The following TARS1 variants were observed in gnomAD, a reference collection of about 807,000 sequenced individuals.
TARS1 encodes threonine--tRNA ligase 1, cytoplasmic.
TARS1 carries 57 observed loss-of-function variants against 97.7 expected under a neutral mutation model. That is an observed-to-expected ratio of 0.58 (90% confidence interval 0.47 to 0.73). The LOEUF is 0.73. Ranked by LOEUF, TARS1 falls within the 30% of genes least tolerant of loss-of-function variation. The probability of loss-of-function intolerance (pLI) is 0.00; values close to 1 mark genes in which losing one functional copy is unlikely to be tolerated. For synonymous variants in TARS1, 312 were observed against 293.7 expected (o/e 1.06, Z -0.64); for missense variants, 806 against 888.3 (o/e 0.91, Z 1.18).
At position 33,457,261 on chromosome 5, in the gene TARS1, C is replaced by A. The variant is rs1265222175; in HGVS notation, c.842C>A (p.Ser281Tyr). 1 of 1,610,550 alleles carries A rather than the reference C, an allele frequency of 6.2e-7. No individual in the cohort carries two copies. Among genetic ancestry groups the A allele is most frequent in the East Asian group, 2.2e-5 (1 of 44,812 alleles). ...ATGGTTAATCCTTGTTTTCAGAATT[C>A]CTCCACGTACTGGGAAGGCAAAGCA... The part of the protein sequence containing the change: ...KIKALKIHKN[S>Y]STYWEGKADM... The change falls in exon 9 of 19, where the codon TCC (serine) becomes TAC (tyrosine). Residue 281 changes from serine to tyrosine, a missense_variant. Around this residue, in one of 3 missense-constraint regions of TARS1, gnomAD observed 356 missense variants for 357.8 expected, o/e 0.99. Coordinates refer to ENST00000265112, the MANE Select transcript of TARS1 (RefSeq NM_152295.5).
At chr5:33,467,448 AGAAGCTATGG>A in intron 18 of TARS1, 102 bp from the exon 19 acceptor site, 1 of 1,206,296 alleles carries the variant, frequency 8.3e-7, no homozygotes. Flanking sequence ...TTAATGTATC[AGAAGCTATGG>A]GGTAGGTTTT....
At chr5:33,458,409 G>A (rs1742131276) in intron 9 of TARS1, among the ~76,000 whole-genome samples, 157 bp from the exon 10 acceptor site, 1 of 152,176 alleles carries the variant, frequency 6.6e-6, no homozygotes, top group Non-Finnish European at 1.5e-5. Flanking sequence ...TATAACATCA[G>A]AAACACTGAC....
chr5:33,453,350 C>T lies in TARS1; in HGVS notation c.391C>T (p.Arg131Cys), dbSNP rs1466918608. The T allele has an allele frequency of 5.6e-6, 9 of 1,612,186 alleles. No homozygotes were observed. Among genetic ancestry groups the T allele is most frequent in the African/African-American group, 4.0e-5 (3 of 74,378 alleles). Reference sequence around the variant, plus strand: ...AAATAATGTTGTGTGGGACCTGGACCGCCCTCTGGAAGAAGATTGTACCTT... The same window carrying T: ...AAATAATGTTGTGTGGGACCTGGACTGCCCTCTGGAAGAAGATTGTACCTT... Reference protein sequence around the residue: ...KVNNVVWDLDRPLEEDCTLEL... With the variant: ...KVNNVVWDLDCPLEEDCTLEL... Residue 131 changes from arginine (R) to cysteine (C), a missense_variant, in exon 4 of 19, where the codon CGC becomes TGC. Arg to Cys is a radical substitution (Grantham distance 180). Transcript: ENST00000265112.
intron 2 of TARS1, 151 bp from the exon 3 acceptor site, chr5:33,448,390 G>A (rs187764694): frequency 9.1e-6 from 5 of 548,548 alleles, no homozygotes; most frequent in Admixed American, 4.0e-5. Flanking sequence ...CCAAATTGAG[G>A]TAATGCCGGG....
chr5:33,457,230 T>C (rs754564969), intron 8 of TARS1, 27 bp from the exon 9 acceptor site: 4 of 1,603,488 alleles, frequency 2.5e-6, no homozygotes, highest in African/African-American at 2.7e-5. Flanking sequence ...ATTTGAATGT[T>C]GTTTCATGGT....
chr5:33,444,796 G>A (rs992037131), intron 1 of TARS1, among the ~76,000 whole-genome samples: 2 of 151,974 alleles, frequency 1.3e-5, no homozygotes, highest in Admixed American at 6.6e-5. Flanking sequence ...TAATCGTAGC[G>A]TTACTACTGT....
chr5:33,451,373 CTTTT>C (rs202149660), intron 3 of TARS1, among the ~76,000 whole-genome samples: 1 of 138,928 alleles, frequency 7.2e-6, no homozygotes, highest in African/African-American at 2.7e-5. Context: ...TGTTATAAAT[CTTTT>C]TTTTTTTTTT....
intron 16 of TARS1, among the ~76,000 whole-genome samples, chr5:33,462,710 C>G (rs6884566): frequency 0.013 from 1,946 of 152,242 alleles, 39 homozygotes; most frequent in African/African-American, 0.045. Context: ...GTTTTTGTTT[C>G]CAAGATACAT....
rs1741531817 is a variant in TARS1 at position 33,448,436 on chromosome 5, A to G, written c.139-105A>G. 11 of 962,988 alleles carry G rather than the reference A, an allele frequency of 1.1e-5. No individual in the cohort carries two copies. The South Asian group carries it at 2.0e-4, about 18-fold the overall frequency. The allele number at this position is 962,988 out of a possible 1,614,324, so 59.7% of individuals were successfully genotyped here. Reference sequence around the variant, plus strand: ...AGTGTTTATTTACCACATTGAATCAATAGTCCTGGGTTTCTGTATTGTTTT... The same window carrying G: ...AGTGTTTATTTACCACATTGAATCAGTAGTCCTGGGTTTCTGTATTGTTTT... On this transcript the variant is annotated intron_variant, in intron 2 of 18. Coordinates refer to ENST00000265112, the MANE Select transcript of TARS1 (RefSeq NM_152295.5).
chr5:33,452,462 C>CT, intron 3 of TARS1: 2 of 1,519,160 alleles, frequency 1.3e-6, no homozygotes, highest in Non-Finnish European at 1.8e-6. Flanking sequence ...TCCTCAAAGC[C>CT]TTTCCAGATG....
At chr5:33,449,517 G>T (rs1316567124) in intron 3 of TARS1, among the ~76,000 whole-genome samples, 6 of 136,776 alleles carry the variant, frequency 4.4e-5, no homozygotes, top group Non-Finnish European at 9.1e-5. Context: ...GTGCAGTGGC[G>T]CGATCTTGGC....
In TARS1 at chr5:33,440,999, CG is replaced by C; in HGVS notation, c.-85del. 1.3e-6 allele frequency: 2 copies of C among 1,558,864 alleles called. No homozygotes were observed. The highest frequency in any genetic ancestry group is 1.8e-6 in the Non-Finnish European group (2 of 1,135,678). On this transcript the variant is annotated 5_prime_UTR_variant, in exon 1 of 19. Coordinates refer to ENST00000265112, the MANE Select transcript of TARS1 (RefSeq NM_152295.5). Reference sequence around the variant, plus strand: ...AGCTGGTCCAGCCGAGGCCAAGTCCCGGGCGCTAGCCCACCTCCCACCCGCC... The same window carrying C: ...AGCTGGTCCAGCCGAGGCCAAGTCCCGGCGCTAGCCCACCTCCCACCCGCC...
chr5:33,463,629 A>C, intron 16 of TARS1, 124 bp from the exon 17 acceptor site: 1 of 844,268 alleles, frequency 1.2e-6, no homozygotes, highest in Non-Finnish European at 1.8e-6. Flanking sequence ...TTTTAAAGCC[A>C]AGTTTTAAAA....
intron 17 of TARS1, 28 bp from the exon 18 acceptor site, chr5:33,466,843 G>GAC: frequency 6.6e-7 from 1 of 1,511,932 alleles, no homozygotes; most frequent in South Asian, 1.2e-5. Flanking sequence ...TTTTAGATCT[G>GAC]ACAAATTCTG....
At chr5:33,452,361 A>C (rs1395770033) in intron 3 of TARS1, 3 of 1,533,368 alleles carry the variant, frequency 2.0e-6, no homozygotes, top group African/African-American at 2.8e-5. Flanking sequence ...TCCTGCAAAA[A>C]CCTCTCTTCA....
chr5:33,446,726 T>C, intron 2 of TARS1: 1 of 1,289,360 alleles, frequency 7.8e-7, no homozygotes, highest in Non-Finnish European at 1.0e-6. Flanking sequence ...CAAGTGGCTA[T>C]GATGATAAAC....
chr5:33,441,103 C>A lies in TARS1; in HGVS notation c.17C>A (p.Ala6Asp), dbSNP rs761507268. 3 of 1,614,230 alleles carry A rather than the reference C, an allele frequency of 1.9e-6. No homozygotes were observed. The South Asian group carries it at 3.3e-5, about 18-fold the overall frequency. The change falls in exon 1 of 19, where the codon GCC becomes GAC. Residue 6 changes from alanine to aspartate, a missense_variant. Physicochemically the swap from Ala to Asp is moderately radical, Grantham distance 126. Transcript: ENST00000265112. ...CGTTCGCCAATGTTTGAGGAGAAGG[C>A]CAGCAGTCCTTCAGGGAAGATGGGA... MFEEKASSPSGKMGGE... is the reference protein window; with the variant it reads MFEEKDSSPSGKMGGE...
At chr5:33,455,117 T>A in intron 5 of TARS1, 51 bp downstream of exon 5, 4 of 1,601,788 alleles carry the variant, frequency 2.5e-6, no homozygotes, top group Non-Finnish European at 3.4e-6. Context: ...TATGGATCCA[T>A]AAGTTATTCT....
chr5:33,455,200 T>C, intron 5 of TARS1, 134 bp downstream of exon 5: 3 of 1,163,006 alleles, frequency 2.6e-6, no homozygotes, highest in Non-Finnish European at 3.5e-6. Context: ...TTATCAGTAC[T>C]TGAAGTGTTG....
Sources: allele counts gnomAD v4.1 joint callset (sites outside exome capture counted in the v4.1 genomes callset), GRCh38; gene constraint gnomAD v4.1.1; regional missense constraint gnomAD v4.1.1; transcripts MANE v1.5; gene names NCBI Gene and HGNC (gene_info 2026-07-23, HGNC 2026-07-21).